CSTF3: variants seen among roughly 807,000 people sequenced by gnomAD.
CSTF3 encodes the protein CF-1 77 kDa subunit.
A neutral mutation model predicts 105.8 loss-of-function variants in CSTF3; 29 were observed. That is an observed-to-expected ratio of 0.27 (90% confidence interval 0.20 to 0.37). The LOEUF (loss-of-function observed/expected upper bound fraction) is 0.37, where lower values mean the gene tolerates loss of function less well. Ranked by LOEUF, CSTF3 falls within the 10% of genes least tolerant of loss-of-function variation. CSTF3 has a pLI of 1.00. For synonymous variants in CSTF3, 252 were observed against 281.9 expected (o/e 0.89, Z 1.06); for missense variants, 357 against 879.3 (o/e 0.41, Z 7.51).
At chr11:33,142,274 A>C (rs961797390) in intron 1 of CSTF3, among the ~76,000 whole-genome samples, 56 of 152,308 alleles carry the variant, frequency 3.7e-4, no homozygotes, top group African/African-American at 1.3e-3. Context: ...ATTATTTCCT[A>C]AACAACACAG....
chr11:33,149,307 A>G (rs7951995), intron 1 of CSTF3, among the ~76,000 whole-genome samples: 84,631 of 152,102 alleles, frequency 0.56, 26,146 homozygotes, highest in Non-Finnish European at 0.69. Context: ...CTATACATGT[A>G]ATTCTCAATC....
chr11:33,122,914 C>CAAAAAAAAAAAAAAAAAAAA (rs10600978), intron 3 of CSTF3, among the ~76,000 whole-genome samples: 2 of 83,838 alleles, frequency 2.4e-5, no homozygotes, highest in African/African-American at 5.4e-5. Flanking sequence ...TATCCTGTCT[C>CAAAAAAAAAAAAAAAAAAAA]AAAAAAAAAA....
intron 3 of CSTF3, among the ~76,000 whole-genome samples, chr11:33,123,061 C>G (rs1855509036): frequency 6.7e-6 from 1 of 150,268 alleles, no homozygotes; most frequent in Admixed American, 6.6e-5. Context: ...ATGAGAAAAA[C>G]AGGTAAAGCA....
intron 14 of CSTF3, 32 bp downstream of exon 14, chr11:33,096,803 T>G (rs1855227331): frequency 2.5e-6 from 4 of 1,576,450 alleles, no homozygotes; most frequent in Admixed American, 3.9e-5. Flanking sequence ...AAGGAAGTTG[T>G]TTTATCTTTA....
At chr11:33,095,191 C>T (rs535188023) in intron 15 of CSTF3, among the ~76,000 whole-genome samples, 6 of 152,264 alleles carry the variant, frequency 3.9e-5, no homozygotes, top group South Asian at 2.1e-4. Context: ...TAAGCCACCA[C>T]GCCCGGCCTA....
intron 3 of CSTF3, among the ~76,000 whole-genome samples, chr11:33,110,258 C>T (rs1199835830): frequency 2.0e-5 from 3 of 152,148 alleles, no homozygotes; most frequent in Non-Finnish European, 4.4e-5. Flanking sequence ...CAGGTGTAGG[C>T]AGCAAACAAG....
intron 3 of CSTF3, among the ~76,000 whole-genome samples, chr11:33,116,331 A>C (rs1398024036): frequency 2.0e-5 from 3 of 152,202 alleles, no homozygotes; most frequent in Non-Finnish European, 2.9e-5. Flanking sequence ...CATAAAACTA[A>C]TGATGGAAAC....
chr11:33,135,386 G>GT (rs550849315), intron 3 of CSTF3, among the ~76,000 whole-genome samples: 114 of 152,152 alleles, frequency 7.5e-4, no homozygotes, highest in Middle Eastern at 3.2e-3. Flanking sequence ...ACTGACAGCA[G>GT]TAAGATTCAA....
chr11:33,139,150 A>G (rs902991348), intron 3 of CSTF3, among the ~76,000 whole-genome samples: 4 of 151,876 alleles, frequency 2.6e-5, no homozygotes, highest in African/African-American at 9.7e-5. Context: ...AAAGTTTAAT[A>G]CTTTTTTCCT....
intron 3 of CSTF3, among the ~76,000 whole-genome samples, chr11:33,120,075 C>G (rs1455155606): frequency 6.6e-6 from 1 of 151,510 alleles, no homozygotes; most frequent in Non-Finnish European, 1.5e-5. Context: ...AAAGGTCAAT[C>G]TAAAGAAACA....
chr11:33,135,035 C>T (rs2060796603), intron 3 of CSTF3, among the ~76,000 whole-genome samples: 1 of 152,174 alleles, frequency 6.6e-6, no homozygotes, highest in Non-Finnish European at 1.5e-5. Flanking sequence ...TTTTAAGCCA[C>T]ATTCTTCAGC....
chr11:33,145,731 G>A (rs531164705), intron 1 of CSTF3, among the ~76,000 whole-genome samples: 5 of 151,342 alleles, frequency 3.3e-5, no homozygotes, highest in African/African-American at 7.3e-5. Context: ...AGAGAATAGC[G>A]TGAACCTGGG....
rs1855397989 is a variant in CSTF3, at chr11:33,113,232, A to G, written c.226-4814T>C. ...AAATAAATAAATAAATAAATAAATA[A>G]ATAAATAAATAAATGAATAAGACCA... On this transcript the variant is annotated intron_variant, in intron 3 of 20. Coordinates refer to ENST00000323959, the MANE Select transcript of CSTF3 (RefSeq NM_001326.3). Among the ~76,000 whole-genome samples the G allele has an allele frequency of 2.0e-5, 3 of 151,824 alleles. No homozygotes were observed. The South Asian group carries it at 6.2e-4, about 32-fold the overall frequency.
rs181588106 is a variant in CSTF3, at chr11:33,106,709, A to G, written c.357-645T>C. 2.5e-3 allele frequency among the ~76,000 whole-genome samples: 382 copies of G among 152,310 alleles called. 1 individual carries two copies. Among genetic ancestry groups the G allele is most frequent in the African/African-American group, 8.9e-3 (371 of 41,578 alleles). ...TCGTTCTTTGATGTTAAGCTTGTCA[A>G]GATCATAAATTGTTTCCTTTATCTA... On this transcript the variant is annotated intron_variant, in intron 5 of 20. Coordinates refer to ENST00000323959, the MANE Select transcript of CSTF3 (RefSeq NM_001326.3).
intron 1 of CSTF3, among the ~76,000 whole-genome samples, chr11:33,145,975 G>A (rs1855777165): frequency 6.6e-6 from 1 of 151,870 alleles, no homozygotes; most frequent in Non-Finnish European, 1.5e-5. Context: ...GATGGCTCAG[G>A]CCTGTAATCC....
At chr11:33,108,678 A>T (rs1005485019) in intron 3 of CSTF3, among the ~76,000 whole-genome samples, 22 of 152,238 alleles carry the variant, frequency 1.4e-4, no homozygotes, top group Non-Finnish European at 2.9e-5. Context: ...TGTAAAAGTC[A>T]TGAGATGAAT....
intron 9 of CSTF3, among the ~76,000 whole-genome samples, chr11:33,102,568 T>A (rs1340189196): frequency 6.6e-6 from 1 of 152,200 alleles, no homozygotes; most frequent in African/African-American, 2.4e-5. Flanking sequence ...GCCCTCTCTG[T>A]AAGTGATCTA....
chr11:33,147,729 A>G (rs1035654426), intron 1 of CSTF3, among the ~76,000 whole-genome samples: 5 of 152,254 alleles, frequency 3.3e-5, no homozygotes, highest in Admixed American at 2.0e-4. Context: ...GTGATAACAA[A>G]CACCCAAAAC....
intron 1 of CSTF3, among the ~76,000 whole-genome samples, chr11:33,158,758 T>C (rs938010041): frequency 6.6e-6 from 1 of 152,130 alleles, no homozygotes; most frequent in South Asian, 2.1e-4. Context: ...TAGACCTAAC[T>C]GTAAAGTTTT....
Sources: gnomAD v4.1 joint callset for allele counts (sites outside exome capture counted in the v4.1 genomes callset) on GRCh38, gnomAD v4.1.1 for gene constraint, MANE v1.5 for transcripts, NCBI Gene and HGNC (gene_info 2026-07-23, HGNC 2026-07-21) for gene names.